Variants in GRIP2 observed in about 807,000 individuals in gnomAD.
GRIP2 encodes glutamate receptor-interacting protein 2.
Under a neutral mutation model 108.3 loss-of-function variants are expected in GRIP2, and 58 were observed. The observed-to-expected ratio is 0.54, with a 90% CI of 0.43 to 0.67. The LOEUF is 0.67. Ranked by LOEUF, GRIP2 falls within the 30% of genes least tolerant of loss-of-function variation. The pLI is 0.00. For missense variants in GRIP2, 1,278 were observed against 1,430.6 expected (o/e 0.89, Z 1.72); for synonymous variants, 586 against 598.2 (o/e 0.98, Z 0.30).
chr3:14,529,627 GT>G (rs1170786100), intron 1 of GRIP2, among the ~76,000 whole-genome samples: 7 of 152,006 alleles, frequency 4.6e-5, no homozygotes, highest in Non-Finnish European at 1.0e-4. Context: ...TCTTTGTTCT[GT>G]TTTTATATTT....
At chr3:14,593,585 C>T in the GRIP2 span, among the ~76,000 whole-genome samples, 3 of 152,212 alleles carry the variant, frequency 2.0e-5, no homozygotes, top group Non-Finnish European at 2.9e-5. Flanking sequence ...GTGTGACAAA[C>T]CACCAACGAT....
the GRIP2 span, among the ~76,000 whole-genome samples, chr3:14,562,035 T>C: frequency 6.6e-6 from 1 of 152,198 alleles, no homozygotes; most frequent in African/African-American, 2.4e-5. Context: ...AAATGACAGA[T>C]GTAACAGATA....
chr3:14,556,507 G>A (rs1305564575), upstream of GRIP2, among the ~76,000 whole-genome samples: 1 of 152,172 alleles, frequency 6.6e-6, no homozygotes. Flanking sequence ...CCAAGACTAA[G>A]GAGCTCTGAG....
chr3:14,591,902 A>G, the GRIP2 span, among the ~76,000 whole-genome samples: 1 of 152,250 alleles, frequency 6.6e-6, no homozygotes, highest in African/African-American at 2.4e-5. Flanking sequence ...AGGCACATCA[A>G]GAGGAAGGGA....
In GRIP2 at chr3:14,521,677, G is replaced by A; in HGVS notation, c.677C>T (p.Ala226Val). ...CACATCATACTCCACCTGAAAGAGT[G>A]CCTCGTGGCTGCACTGCCGCAGGGT... ...LATLRQCSHE[A>V]LFQVEYDVAT... The change falls in exon 7 of 24, where the codon GCA becomes GTA. Residue 226 changes from alanine (A) to valine (V), a missense_variant. Ala to Val is a moderately conservative substitution (Grantham distance 64). Coordinates refer to ENST00000621039, the MANE Select transcript of GRIP2 (RefSeq NM_001080423.4). The surrounding 1 kb of genome is among the most constrained non-coding windows in gnomAD (Gnocchi z 5.1). 3 of 1,612,030 alleles carry A rather than the reference G, an allele frequency of 1.9e-6. No homozygotes were observed. The highest frequency in any genetic ancestry group is 2.5e-6 in the Non-Finnish European group (3 of 1,179,176).
Position 14,551,136 on chromosome 3 carries a change from G to A in GRIP2, c.55+4764C>T, listed in dbSNP as rs137981277. On this transcript the variant is annotated intron_variant, in intron 1 of 23. Transcript: ENST00000637182. ...CTGCCAAGGACCCATGAAGAGTTGC[G>A]GTCAGCCTGAGTCCCTTGGCTGATG... Among the ~76,000 whole-genome samples, 388 of 152,220 alleles carry A rather than the reference G, an allele frequency of 2.5e-3. 2 individuals carry two copies. Among genetic ancestry groups the A allele is most frequent in the African/African-American group, 9.0e-3 (375 of 41,532 alleles).
rs1559337624 is a variant in GRIP2, at chr3:14,511,406, C to T, written c.1787+7G>A. 2 of 1,613,888 alleles carry T rather than the reference C, an allele frequency of 1.2e-6. No homozygotes were observed. Among genetic ancestry groups the T allele is most frequent in the Admixed American group, 3.3e-5 (2 of 60,014 alleles). On this transcript the variant is annotated splice_region_variant and intron_variant, in intron 15 of 23. Coordinates refer to ENST00000621039, the MANE Select transcript of GRIP2 (RefSeq NM_001080423.4). The surrounding 1 kb of genome is among the most constrained non-coding windows in gnomAD (Gnocchi z 4.1). ...CCACTTCCCTTCCTGTGCCCCAGTG[C>T]CCCTACCTGTGTGCCACGCTGCCTT...
the GRIP2 span, among the ~76,000 whole-genome samples, chr3:14,596,447 C>T: frequency 6.6e-6 from 1 of 152,234 alleles, no homozygotes; most frequent in East Asian, 1.9e-4. Flanking sequence ...GGTGGTTGAA[C>T]CAGAAACCCA....
Position 14,511,217 on chromosome 3 carries a change from C to T in GRIP2, c.1881G>A (p.Arg627=). Residue 627 remains arginine (R), a synonymous_variant, in exon 16 of 24, where the codon CGG becomes CGA. Transcript: ENST00000621039. This position sits in a 1 kb window ranked among gnomAD's most constrained non-coding sequence, Gnocchi z 4.1. ...CPMEDAVQIL[R]QCEDLVKLKI... ...TCAGCTTCACCAGGTCCTCGCACTGCCGCAGGATTTGCACGGCGTCCTCCA... is the reference window on the plus strand; with the variant it reads ...TCAGCTTCACCAGGTCCTCGCACTGTCGCAGGATTTGCACGGCGTCCTCCA... The T allele has an allele frequency of 6.2e-7, 1 of 1,614,012 alleles. No homozygotes were observed. Among genetic ancestry groups the T allele is most frequent in the Non-Finnish European group, 8.5e-7 (1 of 1,179,890 alleles).
chr3:14,510,575 T>TAAAAA (rs552543783), intron 16 of GRIP2, among the ~76,000 whole-genome samples: 7 of 149,374 alleles, frequency 4.7e-5, no homozygotes, highest in African/African-American at 1.8e-4. Flanking sequence ...CAACTTTTCT[T>TAAAAA]AAAAGAAAAG....
chr3:14,524,349 G>A lies in GRIP2; in HGVS notation c.403+44C>T, dbSNP rs375262625. On this transcript the variant is annotated intron_variant, in intron 4 of 23. Coordinates refer to ENST00000621039, the MANE Select transcript of GRIP2 (RefSeq NM_001080423.4). ...GGTGGGGAGGTAGCCGTGTCCACCC[G>A]CAACCGAGGCAGTGGAGAAAGTTCC... The A allele has an allele frequency of 4.9e-5, 78 of 1,584,514 alleles. 1 individual carries two copies. The highest frequency in any genetic ancestry group is 1.6e-4 in the East Asian group (7 of 44,006).
chr3:14,541,781 G>A (rs1694975777), upstream of GRIP2: 7 of 855,282 alleles, frequency 8.2e-6, no homozygotes, highest in Non-Finnish European at 3.4e-6. Flanking sequence ...GCCACAGGGT[G>A]GGTGGTGAGG....
rs1179251611 is a variant in GRIP2, at chr3:14,513,755, C to T, written c.1549G>A (p.Glu517Lys). 4.3e-6 allele frequency: 7 copies of T among 1,612,064 alleles called. No individual in the cohort carries two copies. The highest frequency in any genetic ancestry group is 3.3e-5 in the Admixed American group (2 of 59,828). Residue 517 changes from glutamate (E) to lysine (K), a missense_variant, in exon 13 of 24, where the codon GAG becomes AAG. Glu to Lys is a moderately conservative substitution (Grantham distance 56). Transcript: ENST00000621039. ...RVLSINGIAT[E>K]DGTMEEANQL... ...TTGGCTTCCTCCATAGTCCCGTCCT[C>T]GGTGGCAATGCCATTGATGGACAGG...
At position 14,492,697 on chromosome 3, in the gene GRIP2, A is replaced by G. The variant is rs1286564976; in HGVS notation, c.*968T>C. The G allele has an allele frequency of 2.0e-5, 3 of 152,140 alleles. No homozygotes were observed. Among genetic ancestry groups the G allele is most frequent in the Non-Finnish European group, 4.4e-5 (3 of 68,080 alleles). 9.4% of individuals were successfully genotyped at this position (152,140 alleles called of 1,614,324 possible). On this transcript the variant is annotated 3_prime_UTR_variant, in exon 24 of 24. Coordinates refer to ENST00000621039, the MANE Select transcript of GRIP2 (RefSeq NM_001080423.4). ...CAGGTCCTGCGTCCATCGCTTTTCA[A>G]TTTTCACTGGATGGCAGGTGAATGG...
At chr3:14,554,540 C>T (rs914555710) in intron 1 of GRIP2, among the ~76,000 whole-genome samples, 1 of 152,072 alleles carries the variant, frequency 6.6e-6, no homozygotes, top group South Asian at 2.1e-4. Flanking sequence ...TCTCCAGGCA[C>T]CAGCTGCTCT....
the GRIP2 span, chr3:14,574,475 G>A: frequency 5.6e-5 from 40 of 710,034 alleles, no homozygotes; most frequent in Non-Finnish European, 1.0e-4. Flanking sequence ...TCAGGTGGCT[G>A]GGCTCAAGCT....
intron 5 of GRIP2, 43 bp downstream of exon 5, chr3:14,523,569 T>A (rs1346077301): frequency 1.6e-6 from 2 of 1,268,034 alleles, no homozygotes; most frequent in Non-Finnish European, 1.1e-6. Context: ...AGTATTAGCC[T>A]CTTTCTTGCT....
At chr3:14,562,692 C>G in the GRIP2 span, among the ~76,000 whole-genome samples, 1 of 152,166 alleles carries the variant, frequency 6.6e-6, no homozygotes, top group Non-Finnish European at 1.5e-5. Flanking sequence ...GGATCCAGCA[C>G]TGACTCTGTG....
At chr3:14,520,649 C>A in intron 7 of GRIP2, 112 bp from the exon 8 acceptor site, 1 of 1,010,858 alleles carries the variant, frequency 9.9e-7, no homozygotes, top group East Asian at 2.5e-5. Context: ...CTGTTATACC[C>A]ATTTGATTAA....
Sources: gnomAD v4.1 joint callset for allele counts (sites outside exome capture counted in the v4.1 genomes callset) on GRCh38, gnomAD v4.1.1 for gene constraint, Gnocchi (gnomAD v3.1) non-coding constraint, MANE v1.5 for transcripts, NCBI Gene and HGNC (gene_info 2026-07-23, HGNC 2026-07-21) for gene names.